NKAIN1: variants seen among roughly 807,000 people sequenced by gnomAD.
The protein encoded by NKAIN1 is sodium/potassium-transporting ATPase subunit beta-1-interacting protein 1.
A neutral mutation model predicts 31.6 loss-of-function variants in NKAIN1; 13 were observed. The ratio of observed to expected loss-of-function variants is 0.41; its 90% CI spans 0.27 to 0.65. The LOEUF is 0.65. NKAIN1 is among the 30% of genes least tolerant of loss of function. The pLI is 0.30. For missense variants in NKAIN1, 193 were observed against 262.2 expected (o/e 0.74, Z 1.82); for synonymous variants, 104 against 109.0 (o/e 0.95, Z 0.28).
intron 2 of NKAIN1, 24 bp downstream of exon 2, chr1:31,188,026 G>A: frequency 6.5e-7 from 1 of 1,549,116 alleles, no homozygotes; most frequent in Non-Finnish European, 8.7e-7. Flanking sequence ...GAGTTGGCTT[G>A]GGAAGGGGCT....
chr1:31,239,394 G>C lies in NKAIN1; in HGVS notation c.54+100C>G. On this transcript the variant is annotated intron_variant, in intron 1 of 6. Coordinates refer to ENST00000373736, the MANE Select transcript of NKAIN1 (RefSeq NM_024522.3). This position sits in a 1 kb window ranked among gnomAD's most constrained non-coding sequence, Gnocchi z 4.8. The stretch of plus-strand genomic sequence containing the variant: ...ACCCCCCGCCCGGGCACACGCACCA[G>C]ACACACACACAGAGACACACGCAAC... 1.1e-6 allele frequency: 1 copy of C among 884,742 alleles called. No individual in the cohort carries two copies. Among genetic ancestry groups the C allele is most frequent in the South Asian group, 2.4e-5 (1 of 41,082 alleles). 54.8% of individuals were successfully genotyped at this position (884,742 alleles called of 1,614,324 possible). A position where few individuals can be genotyped will look rare whatever the true frequency, so the allele number is the denominator to read the frequency against.
intron 1 of NKAIN1, among the ~76,000 whole-genome samples, chr1:31,237,170 G>T (rs560302948): frequency 1.3e-5 from 2 of 152,302 alleles, no homozygotes; most frequent in East Asian, 1.9e-4. Context: ...AGGATTGTTT[G>T]AGCCTGGGAG....
chr1:31,208,758 G>A (rs1228058452), intron 1 of NKAIN1, among the ~76,000 whole-genome samples: 2 of 152,190 alleles, frequency 1.3e-5, no homozygotes, highest in South Asian at 2.1e-4. Context: ...CAGCAGAGGC[G>A]TTACACAAAC....
intron 1 of NKAIN1, among the ~76,000 whole-genome samples, chr1:31,189,680 A>T (rs1436511479): frequency 6.6e-6 from 1 of 152,144 alleles, no homozygotes; most frequent in African/African-American, 2.4e-5. Context: ...GGGCTGACTC[A>T]TTTCTAGTTT....
At position 31,182,573 on chromosome 1, in the gene NKAIN1, G is replaced by T. The variant is rs1469458381; in HGVS notation, c.489C>A (p.Phe163Leu). Residue 163 changes from phenylalanine to leucine, a missense_variant, in exon 5 of 7, where the codon TTC becomes TTA. Phe to Leu is a conservative substitution (Grantham distance 22). Coordinates refer to ENST00000373736, the MANE Select transcript of NKAIN1 (RefSeq NM_024522.3). ...QIFLALFGFV[F>L]ACYVSKVFLE... ...GGAACACTTTGCTCACGTAGCAGGC[G>T]AACACGAAGCCGAACAGCTGGGAGT... is the stretch of plus-strand genomic sequence containing the variant. 6.2e-7 allele frequency: 1 copy of T among 1,614,124 alleles called. No individual in the cohort carries two copies. The highest frequency in any genetic ancestry group is 2.2e-5 in the East Asian group (1 of 44,876).
intron 1 of NKAIN1, among the ~76,000 whole-genome samples, chr1:31,234,167 A>G (rs1256767516): frequency 6.6e-6 from 1 of 151,850 alleles, no homozygotes; most frequent in Non-Finnish European, 1.5e-5. Flanking sequence ...ATCCCTGCCA[A>G]CTCTGTCCAA....
intron 1 of NKAIN1, among the ~76,000 whole-genome samples, chr1:31,215,507 T>C (rs575400402): frequency 4.6e-5 from 7 of 151,980 alleles, no homozygotes; most frequent in Middle Eastern, 3.2e-3. Context: ...GTGTAGGGGG[T>C]CTGTCAGTCT....
chr1:31,230,568 C>G (rs1286008652), intron 1 of NKAIN1, among the ~76,000 whole-genome samples: 1 of 152,210 alleles, frequency 6.6e-6, no homozygotes, highest in Non-Finnish European at 1.5e-5. Context: ...GCTTTGCTCT[C>G]TGAAGCTCTC....
intron 1 of NKAIN1, among the ~76,000 whole-genome samples, chr1:31,237,562 T>C (rs1359920169): frequency 6.6e-6 from 1 of 151,608 alleles, no homozygotes; most frequent in Non-Finnish European, 1.5e-5. Flanking sequence ...TGCAGCGGCG[T>C]GATCTCATCT....
intron 1 of NKAIN1, among the ~76,000 whole-genome samples, chr1:31,212,544 G>T (rs565484221): frequency 8.5e-4 from 129 of 152,038 alleles, no homozygotes; most frequent in African/African-American, 3.0e-3. Context: ...GGCTGGGGCC[G>T]CAGGCACACA....
chr1:31,212,358 A>G (rs1024013630), intron 1 of NKAIN1, among the ~76,000 whole-genome samples: 1 of 152,038 alleles, frequency 6.6e-6, no homozygotes, highest in Non-Finnish European at 1.5e-5. Flanking sequence ...CTTGGAAGGA[A>G]CCATAGGTAT....
intron 1 of NKAIN1, among the ~76,000 whole-genome samples, chr1:31,209,987 A>T (rs1224476059): frequency 4.2e-5 from 5 of 119,806 alleles, no homozygotes; most frequent in Non-Finnish European, 8.0e-5. Context: ...ACCCTGTCTT[A>T]TTAAAAAAAA....
rs79142636 is a variant in NKAIN1 at position 31,182,516 on chromosome 1, G to C, written c.532+14C>G. The C allele has an allele frequency of 5.5e-5, 88 of 1,614,000 alleles. No individual in the cohort carries two copies. The African/African-American group carries it at 1.1e-3, about 19-fold the overall frequency. On this transcript the variant is annotated intron_variant, in intron 5 of 6. Coordinates refer to ENST00000373736, the MANE Select transcript of NKAIN1 (RefSeq NM_024522.3). ...GGGCCAGATTCCCCACTTCCCCAGG[G>C]GCGCCTTACTCACAGCTGTCCTCCT...
chr1:31,211,195 C>A (rs2148359192), intron 1 of NKAIN1, among the ~76,000 whole-genome samples: 1 of 152,228 alleles, frequency 6.6e-6, no homozygotes, highest in South Asian at 2.1e-4. Flanking sequence ...GGCATCCACA[C>A]TGGAAAAGAA....
At chr1:31,214,078 A>C (rs1222827977) in intron 1 of NKAIN1, among the ~76,000 whole-genome samples, 1 of 152,078 alleles carries the variant, frequency 6.6e-6, no homozygotes, top group African/African-American at 2.4e-5. Flanking sequence ...ATATCCATAC[A>C]ACAGAATATT....
chr1:31,217,664 GA>G (rs1645523618), intron 1 of NKAIN1, among the ~76,000 whole-genome samples: 1 of 152,186 alleles, frequency 6.6e-6, no homozygotes, highest in African/African-American at 2.4e-5. Flanking sequence ...TTTTTGTCTG[GA>G]ATTACACGCC....
At chr1:31,186,376 A>G (rs1170992888) in intron 2 of NKAIN1, among the ~76,000 whole-genome samples, 1 of 150,376 alleles carries the variant, frequency 6.6e-6, no homozygotes, top group Admixed American at 6.7e-5. Context: ...AAAAAAAAAA[A>G]AGTCTTAATT....
At chr1:31,200,175 C>T (rs540373555) in intron 1 of NKAIN1, among the ~76,000 whole-genome samples, 113 of 152,352 alleles carry the variant, frequency 7.4e-4, no homozygotes, top group Non-Finnish European at 1.4e-3. Context: ...CTATCCCAGC[C>T]CGGATCCCAC....
Position 31,239,576 on chromosome 1 carries a change from C to T in NKAIN1, c.-29G>A, listed in dbSNP as rs556175450. ...TCCGGGGGCTGCGCGGGCCGCACGCCGCGGCGCCCTTCTTGCTCCGCGGCC... is the reference window on the plus strand; with the variant it reads ...TCCGGGGGCTGCGCGGGCCGCACGCTGCGGCGCCCTTCTTGCTCCGCGGCC... On this transcript the variant is annotated 5_prime_UTR_variant, in exon 1 of 7. Transcript: ENST00000373736. This position sits in a 1 kb window ranked among gnomAD's most constrained non-coding sequence, Gnocchi z 4.8. 1 of 1,204,234 alleles carries T rather than the reference C, an allele frequency of 8.3e-7. No homozygotes were observed. The highest frequency in any genetic ancestry group is 1.6e-5 in the African/African-American group (1 of 63,122). 74.6% of individuals were successfully genotyped at this position (1,204,234 alleles called of 1,614,324 possible). A position where few individuals can be genotyped will look rare whatever the true frequency, so the allele number is the denominator to read the frequency against.
Sources: allele counts gnomAD v4.1 joint callset (sites outside exome capture counted in the v4.1 genomes callset), GRCh38; gene constraint gnomAD v4.1.1; non-coding constraint Gnocchi (gnomAD v3.1); transcripts MANE v1.5; gene names NCBI Gene and HGNC (gene_info 2026-07-23, HGNC 2026-07-21).